CCDC50: variants seen among roughly 807,000 people sequenced by gnomAD.
CCDC50 encodes coiled-coil domain containing 50, also known as coiled-coil domain-containing protein 50.
In CCDC50, 54 loss-of-function variants were observed where a neutral mutation model predicts 70.2. The ratio of observed to expected loss-of-function variants is 0.77; its 90% CI spans 0.62 to 0.96. The LOEUF is 0.96. Among genes scored for constraint, CCDC50 ranks in the 50% least tolerant of loss-of-function variants. The pLI, the probability that CCDC50 is intolerant of heterozygous loss-of-function variation, is 0.00. For synonymous variants in CCDC50, 216 were observed against 198.8 expected (o/e 1.09, Z -0.73); for missense variants, 558 against 578.7 (o/e 0.96, Z 0.37).
intron 5 of CCDC50, among the ~76,000 whole-genome samples, chr3:191,373,330 T>C (rs13326246): frequency 0.18 from 27,224 of 152,176 alleles, 3,058 homozygotes; most frequent in Non-Finnish European, 0.24. Flanking sequence ...GTCAGCTCTG[T>C]AAAAATGTAG....
chr3:191,396,423 A>T lies in CCDC50; in HGVS notation c.*4663A>T, dbSNP rs1397899534. The T allele has an allele frequency of 6.6e-6, 1 of 152,170 alleles. No individual in the cohort carries two copies. Among genetic ancestry groups the T allele is most frequent in the Non-Finnish European group, 1.5e-5 (1 of 68,018 alleles). 9.4% of individuals were successfully genotyped at this position (152,170 alleles called of 1,614,324 possible). A position where few individuals can be genotyped will look rare whatever the true frequency, so the allele number is the denominator to read the frequency against. Reference sequence around the variant, plus strand: ...TAATTTTATTTCATGTTGTCTGTCCACCTCTGAATAAGCAGTGGCATGACC... The same window carrying T: ...TAATTTTATTTCATGTTGTCTGTCCTCCTCTGAATAAGCAGTGGCATGACC... On this transcript the variant is annotated 3_prime_UTR_variant, in exon 12 of 12. Coordinates refer to ENST00000392455, the MANE Select transcript of CCDC50 (RefSeq NM_178335.3).
At chr3:191,373,378 A>G (rs1332464889) in intron 5 of CCDC50, among the ~76,000 whole-genome samples, 1 of 152,160 alleles carries the variant, frequency 6.6e-6, no homozygotes, top group Non-Finnish European at 1.5e-5. Context: ...ATATTTCCTA[A>G]AAGTAAAACT....
intron 5 of CCDC50, among the ~76,000 whole-genome samples, chr3:191,372,733 A>T (rs549521011): frequency 8.5e-5 from 13 of 152,238 alleles, no homozygotes; most frequent in Non-Finnish European, 1.3e-4. Flanking sequence ...CTCAAATGAT[A>T]TATATTATTT....
rs1395087846 is a variant in CCDC50, at chr3:191,380,144, T to G, written c.977-15T>G. The G allele has an allele frequency of 1.4e-6, 2 of 1,432,096 alleles. No homozygotes were observed. Among genetic ancestry groups the G allele is most frequent in the Non-Finnish European group, 1.9e-6 (2 of 1,029,110 alleles). The allele number at this position is 1,432,096 out of a possible 1,614,324, so 88.7% of individuals were successfully genotyped here. ...CGGTTGTTTTATTACATTGAGTTTT[T>G]TTTTTTTTTTAAAGGAATGAAGCCA... On this transcript the variant is annotated splice_polypyrimidine_tract_variant and intron_variant, in intron 6 of 11. Coordinates refer to ENST00000392455, the MANE Select transcript of CCDC50 (RefSeq NM_178335.3).
intron 1 of CCDC50, among the ~76,000 whole-genome samples, chr3:191,341,515 G>A (rs762488239): frequency 6.6e-6 from 1 of 152,050 alleles, no homozygotes; most frequent in Non-Finnish European, 1.5e-5. Context: ...ACAGATCCAG[G>A]TTGTTGCTCT....
chr3:191,371,744 GTAAA>G (rs1358841684), intron 5 of CCDC50, among the ~76,000 whole-genome samples: 1 of 152,112 alleles, frequency 6.6e-6, no homozygotes, highest in Non-Finnish European at 1.5e-5. Context: ...TCCTCTGTAT[GTAAA>G]ACACTCTTCT....
chr3:191,390,930 A>AT (rs1197908704), intron 11 of CCDC50, among the ~76,000 whole-genome samples: 1 of 152,204 alleles, frequency 6.6e-6, no homozygotes, highest in Non-Finnish European at 1.5e-5. Context: ...TCTTGCAAGG[A>AT]TCTGCGTTCA....
At position 191,358,072 on chromosome 3, in the gene CCDC50, C is replaced by T; in HGVS notation, c.187C>T (p.Gln63Ter). Reference sequence around the variant, plus strand: ...TGATCTCCAGGTGGCTAAGCAGCTCCAAGAGGAAGATCTGAAAGCGCAGGC... The same window carrying T: ...TGATCTCCAGGTGGCTAAGCAGCTCTAAGAGGAAGATCTGAAAGCGCAGGC... ...QHDLQVAKQL[Q>*]EEDLKAQAQL... Residue 63 changes from glutamine (Q) to a stop codon, truncating the protein, a stop_gained, in exon 3 of 12, where the codon CAA becomes TAA. Coordinates refer to ENST00000392455, the MANE Select transcript of CCDC50 (RefSeq NM_178335.3). LOFTEE classifies it high-confidence loss of function. 6.2e-7 allele frequency: 1 copy of T among 1,613,986 alleles called. No individual in the cohort carries two copies. Among genetic ancestry groups the T allele is most frequent in the Non-Finnish European group, 8.5e-7 (1 of 1,179,932 alleles).
At chr3:191,389,693 A>G in intron 11 of CCDC50, 91 bp downstream of exon 11, 1 of 952,870 alleles carries the variant, frequency 1.0e-6, no homozygotes, top group Non-Finnish European at 1.7e-6. Flanking sequence ...GTGTTCCACT[A>G]GAGTGGAAAA....
Position 191,329,563 on chromosome 3 carries a change from C to A in CCDC50, c.-112C>A. 9.1e-7 allele frequency: 1 copy of A among 1,094,570 alleles called. No individual in the cohort carries two copies. The highest frequency in any genetic ancestry group is 1.3e-6 in the Non-Finnish European group (1 of 780,338). 67.8% of individuals were successfully genotyped at this position (1,094,570 alleles called of 1,614,324 possible). On this transcript the variant is annotated 5_prime_UTR_variant, in exon 1 of 12. Transcript: ENST00000392455. The stretch of plus-strand genomic sequence containing the variant: ...TCCGTTCTCCGGCCTGCGAGCCCTG[C>A]CGGCCGGACTTTGCGCCGCGTCCGG...
At chr3:191,374,938 G>A (rs1299509666) in intron 5 of CCDC50, 124 bp from the exon 6 acceptor site, 4 of 1,002,720 alleles carry the variant, frequency 4.0e-6, no homozygotes, top group Admixed American at 2.0e-5. Flanking sequence ...AGTTGAAAAA[G>A]CAATTTTCTC....
In CCDC50 at chr3:191,395,174, ACCTGATTCATTAAC is replaced by A. The variant is rs760072875; in HGVS notation, c.*3417_*3430del. 12 of 152,114 alleles carry A rather than the reference ACCTGATTCATTAAC, an allele frequency of 7.9e-5. No individual in the cohort carries two copies. The highest frequency in any genetic ancestry group is 7.2e-4 in the Admixed American group (11 of 15,264). The allele number at this position is 152,114 out of a possible 1,614,324, so 9.4% of individuals were successfully genotyped here. On this transcript the variant is annotated 3_prime_UTR_variant, in exon 12 of 12. Transcript: ENST00000392455. Reference sequence around the variant, plus strand: ...CTGAACTCACTCTAGAAAATTCTGGACCTGATTCATTAACCCCGCTTTTCTTCTCTAATGTGTCC... The same window carrying A: ...CTGAACTCACTCTAGAAAATTCTGGACCCGCTTTTCTTCTCTAATGTGTCC...
At chr3:191,370,261 C>T (rs940167536) in intron 5 of CCDC50, 4 of 411,010 alleles carry the variant, frequency 9.7e-6, no homozygotes, top group East Asian at 5.5e-5. Context: ...ATGTGCACAA[C>T]GTGCAGGTTT....
intron 1 of CCDC50, 94 bp downstream of exon 1, chr3:191,329,817 C>A: frequency 7.3e-7 from 1 of 1,365,116 alleles, no homozygotes; most frequent in Non-Finnish European, 1.0e-6. Flanking sequence ...GCTCCCGCGG[C>A]CCTCGCCCGG....
At chr3:191,338,615 T>A (rs56174842) in intron 1 of CCDC50, among the ~76,000 whole-genome samples, 14,117 of 152,268 alleles carry the variant, frequency 0.093, 716 homozygotes, top group East Asian at 0.25. Context: ...CATTCTCTGG[T>A]CAGACTTCAT....
intron 6 of CCDC50, 73 bp downstream of exon 6, chr3:191,375,662 C>A: frequency 6.9e-7 from 1 of 1,453,676 alleles, no homozygotes; most frequent in Non-Finnish European, 9.4e-7. Flanking sequence ...TTAATAAGTA[C>A]CTTAAGCAAC....
intron 4 of CCDC50, among the ~76,000 whole-genome samples, chr3:191,363,968 G>A (rs1712584828): frequency 6.6e-6 from 1 of 152,138 alleles, no homozygotes; most frequent in East Asian, 1.9e-4. Context: ...GTTGGTAACA[G>A]GGTGCCTGAA....
chr3:191,361,022 C>A, intron 3 of CCDC50, 47 bp from the exon 4 acceptor site: 1 of 1,254,218 alleles, frequency 8.0e-7, no homozygotes, highest in Non-Finnish European at 1.2e-6. Context: ...TTAGGAAATA[C>A]ATTATTTTTT....
In CCDC50 at chr3:191,357,981, C is replaced by T; in HGVS notation, c.113-17C>T. 1 of 1,613,824 alleles carries T rather than the reference C, an allele frequency of 6.2e-7. No individual in the cohort carries two copies. Among genetic ancestry groups the T allele is most frequent in the Non-Finnish European group, 8.5e-7 (1 of 1,179,770 alleles). ...CCAAGACATTATTCATTCCTGTCCT[C>T]AATCTTTTTGTTCCAGTTGAGCATC... On this transcript the variant is annotated splice_polypyrimidine_tract_variant and intron_variant, in intron 2 of 11. Transcript: ENST00000392455.
Sources: allele counts gnomAD v4.1 joint callset (sites outside exome capture counted in the v4.1 genomes callset), GRCh38; gene constraint gnomAD v4.1.1; transcripts MANE v1.5; gene names NCBI Gene and HGNC (gene_info 2026-07-23, HGNC 2026-07-21).